The following ATP2B2 variants were observed in gnomAD, a reference collection of about 807,000 sequenced individuals.
The protein encoded by ATP2B2 is ATPase plasma membrane Ca2+ transporting 2.
ATP2B2 carries 15 observed loss-of-function variants against 120.0 expected under a neutral mutation model. The observed-to-expected ratio is 0.12, with a 90% CI of 0.08 to 0.19. The LOEUF (loss-of-function observed/expected upper bound fraction) is 0.19. ATP2B2 is among the 10% of genes least tolerant of loss of function. The pLI, the probability that ATP2B2 is intolerant of heterozygous loss-of-function variation, is 1.00. For synonymous variants in ATP2B2, 694 were observed against 700.3 expected (o/e 0.99, Z 0.14); for missense variants, 1,045 against 1,719.8 (o/e 0.61, Z 6.94).
rs1455551284 is a variant in ATP2B2 at position 10,453,948 on chromosome 3, T to TCATCCATC, written c.-319-4094_-319-4087dup. Reference sequence around the variant, plus strand: ...TCCACCCATCTACCCACCCATCCACTCATCCATCCATCCATCCATGCACTC... The same window carrying TCATCCATC: ...TCCACCCATCTACCCACCCATCCACTCATCCATCCATCCATCCATCCATCCATGCACTC... On this transcript the variant is annotated intron_variant, in intron 1 of 22. Transcript: ENST00000360273. 3.0e-5 allele frequency among the ~76,000 whole-genome samples: 4 copies of TCATCCATC among 131,632 alleles called. No individual in the cohort carries two copies. In the East Asian group the frequency reaches 7.2e-4, roughly 24 times the overall value. 86.4% of individuals were successfully genotyped at this position (131,632 alleles called of 152,430 possible).
chr3:10,337,739 G>A (rs1478572310), intron 22 of ATP2B2, among the ~76,000 whole-genome samples: 3 of 152,040 alleles, frequency 2.0e-5, no homozygotes, highest in African/African-American at 4.8e-5. Flanking sequence ...CCGTGGAGGC[G>A]GCGGACCCCC....
At chr3:10,477,500 C>T (rs1275597398) in intron 1 of ATP2B2, among the ~76,000 whole-genome samples, 1 of 152,214 alleles carries the variant, frequency 6.6e-6, no homozygotes, top group South Asian at 2.1e-4. Context: ...CATCTCAGAA[C>T]GTTTTCCTCT....
At chr3:10,377,942 G>C (rs2061424997) in intron 10 of ATP2B2, among the ~76,000 whole-genome samples, 1 of 152,196 alleles carries the variant, frequency 6.6e-6, no homozygotes, top group South Asian at 2.1e-4. Context: ...TACAGATGAG[G>C]ATACAGAGGC....
intron 3 of ATP2B2, among the ~76,000 whole-genome samples, chr3:10,515,273 AC>A (rs1412489267): frequency 6.6e-6 from 1 of 152,212 alleles, no homozygotes; most frequent in Non-Finnish European, 1.5e-5. Flanking sequence ...AATGAGTAAT[AC>A]ATATGTACAT....
chr3:10,559,048 T>C (rs1355810293), intron 2 of ATP2B2, among the ~76,000 whole-genome samples: 1 of 152,220 alleles, frequency 6.6e-6, no homozygotes, highest in Non-Finnish European at 1.5e-5. Flanking sequence ...CAGAAATGCT[T>C]TTCTTCCCTA....
At position 10,402,040 on chromosome 3, in the gene ATP2B2, C is replaced by A. The variant is rs2062238982; in HGVS notation, c.655+51G>T. On this transcript the variant is annotated intron_variant, in intron 4 of 22. Coordinates refer to ENST00000360273, the MANE Select transcript of ATP2B2 (RefSeq NM_001001331.4). The surrounding 1 kb of genome is among the most constrained non-coding windows in gnomAD (Gnocchi z 4.9). ...CTTTGCATCAGCCTGGCCTGTCCCA[C>A]CTCTGCCGGAATCCAGCTTTAGAAC... 6 of 1,607,750 alleles carry A rather than the reference C, an allele frequency of 3.7e-6. No individual in the cohort carries two copies. Among genetic ancestry groups the A allele is most frequent in the Middle Eastern group, 1.7e-4 (1 of 6,058 alleles).
At chr3:10,397,683 A>G (rs2062084647) in intron 5 of ATP2B2, among the ~76,000 whole-genome samples, 2 of 152,176 alleles carry the variant, frequency 1.3e-5, no homozygotes, top group Admixed American at 6.5e-5. Context: ...GTGGATCAGT[A>G]GATGGTGGGG....
chr3:10,601,633 T>C (rs1454978101), intron 2 of ATP2B2, among the ~76,000 whole-genome samples: 1 of 152,220 alleles, frequency 6.6e-6, no homozygotes, highest in Admixed American at 6.5e-5. Flanking sequence ...GCTCCCAGTC[T>C]TCCCCCAGGC....
rs534223315 is a variant in ATP2B2, at chr3:10,702,418, G to A, written c.-460+5497C>T. On this transcript the variant is annotated intron_variant, in intron 1 of 21. Coordinates refer to the ATP2B2 transcript ENST00000646379. ...TCTCCCAAAAGTACTCATGAGGCAG[G>A]CACTCTTAGGATCGCTTTTATAGAT... Among the ~76,000 whole-genome samples, 3 of 152,252 alleles carry A rather than the reference G, an allele frequency of 2.0e-5. No homozygotes were observed. The South Asian group carries it at 6.2e-4, about 32-fold the overall frequency.
chr3:10,661,460 C>T (rs2070778089), intron 1 of ATP2B2, among the ~76,000 whole-genome samples: 1 of 152,136 alleles, frequency 6.6e-6, no homozygotes, highest in African/African-American at 2.4e-5. Flanking sequence ...CAATAACAGA[C>T]AAACAGAGAG....
At chr3:10,358,662 T>C (rs2060808435) in intron 14 of ATP2B2, 29 bp downstream of exon 14, 4 of 1,612,298 alleles carry the variant, frequency 2.5e-6, no homozygotes, top group Non-Finnish European at 2.5e-6. Context: ...TCATCCCCTT[T>C]CCCTGAGCTC....
At chr3:10,466,928 A>G (rs1037053220) in intron 1 of ATP2B2, among the ~76,000 whole-genome samples, 4 of 152,174 alleles carry the variant, frequency 2.6e-5, no homozygotes, top group Non-Finnish European at 4.4e-5. Flanking sequence ...ATGCGGCCCC[A>G]CAGCTGGTCA....
intron 1 of ATP2B2, among the ~76,000 whole-genome samples, chr3:10,667,512 C>T (rs2070974674): frequency 6.6e-6 from 1 of 152,236 alleles, no homozygotes; most frequent in Non-Finnish European, 1.5e-5. Flanking sequence ...GCCTGGGCTG[C>T]AGTCTGCATC....
At chr3:10,450,045 GAT>G (rs956380440) in intron 1 of ATP2B2, among the ~76,000 whole-genome samples, 183 bp from the exon 2 acceptor site, 7 of 152,056 alleles carry the variant, frequency 4.6e-5, no homozygotes, top group African/African-American at 1.7e-4. Context: ...GGCACTCCAC[GAT>G]ATGCCACCCT....
At chr3:10,683,760 GTATATATATATATATATA>G (rs71055831) in intron 1 of ATP2B2, among the ~76,000 whole-genome samples, 5,497 of 54,026 alleles carry the variant, frequency 0.1, 803 homozygotes, top group African/African-American at 0.29. Flanking sequence ...GTGTGTGTGT[GTATATATATATATATATA>G]TATATATATA....
chr3:10,361,268 T>C (rs1258718489), intron 12 of ATP2B2, among the ~76,000 whole-genome samples: 1 of 152,210 alleles, frequency 6.6e-6, no homozygotes, highest in Non-Finnish European at 1.5e-5. Context: ...TCCACCTGCC[T>C]TGGCCTCCCA....
intron 2 of ATP2B2, among the ~76,000 whole-genome samples, chr3:10,577,439 A>G (rs1459398623): frequency 2.0e-5 from 3 of 152,156 alleles, no homozygotes; most frequent in Admixed American, 6.5e-5. Context: ...AGGATCTCAG[A>G]CTTTTGGTGT....
intron 2 of ATP2B2, among the ~76,000 whole-genome samples, chr3:10,553,657 G>C (rs1466660384): frequency 6.6e-6 from 1 of 152,204 alleles, no homozygotes; most frequent in African/African-American, 2.4e-5. Flanking sequence ...GGAAACCCAG[G>C]ACTCCCTGCC....
chr3:10,613,794 C>G (rs985448299), intron 2 of ATP2B2, among the ~76,000 whole-genome samples: 1 of 152,030 alleles, frequency 6.6e-6, no homozygotes, highest in Non-Finnish European at 1.5e-5. Context: ...GTATCCCCCA[C>G]CCAGCCCACT....
Sources: gnomAD v4.1 joint callset for allele counts (sites outside exome capture counted in the v4.1 genomes callset) on GRCh38, gnomAD v4.1.1 for gene constraint, Gnocchi (gnomAD v3.1) non-coding constraint, MANE v1.5 for transcripts, NCBI Gene and HGNC (gene_info 2026-07-23, HGNC 2026-07-21) for gene names.